The following SLC14A2 variants were observed in gnomAD, a reference collection of about 807,000 sequenced individuals.
The protein encoded by SLC14A2 is solute carrier family 14 member 2.
SLC14A2 carries 91 observed loss-of-function variants against 104.6 expected under a neutral mutation model. The ratio of observed to expected loss-of-function variants is 0.87; its 90% CI spans 0.73 to 1.04. SLC14A2 has a LOEUF of 1.04. SLC14A2 is among the 50% of genes least tolerant of loss of function. The pLI, the probability that SLC14A2 is intolerant of heterozygous loss-of-function variation, is 0.00. For missense variants in SLC14A2, 1,189 were observed against 1,156.0 expected, an observed-to-expected ratio of 1.03 and a Z score of -0.41; for synonymous variants, 476 against 466.4, an observed-to-expected ratio of 1.02 and a Z score of -0.27.
chr18:45,170,208 A>G, the SLC14A2 span, among the ~76,000 whole-genome samples: 1 of 152,108 alleles, frequency 6.6e-6, no homozygotes. Context: ...GTTAGACCAG[A>G]TTCCTAGAGC....
chr18:45,287,805 G>A (rs2084829695), intron 1 of SLC14A2, among the ~76,000 whole-genome samples: 1 of 152,156 alleles, frequency 6.6e-6, no homozygotes, highest in Non-Finnish European at 1.5e-5. Flanking sequence ...ATACCACCGA[G>A]TCCTCTCCCT....
chr18:45,477,874 T>C (rs2087414879), intron 1 of SLC14A2, among the ~76,000 whole-genome samples: 1 of 152,206 alleles, frequency 6.6e-6, no homozygotes, highest in South Asian at 2.1e-4. Flanking sequence ...CAGACTGCTG[T>C]GCTGGCAGCA....
chr18:45,214,813 C>T (rs571923247), intron 1 of SLC14A2, among the ~76,000 whole-genome samples: 1 of 149,970 alleles, frequency 6.7e-6, no homozygotes, highest in South Asian at 2.1e-4. Context: ...TGAACACTTA[C>T]GGTCTGTGGA....
intron 2 of SLC14A2, among the ~76,000 whole-genome samples, chr18:45,526,370 T>C (rs1256384231): frequency 6.6e-6 from 1 of 152,222 alleles, no homozygotes; most frequent in Non-Finnish European, 1.5e-5. Context: ...TTCTGGTGCC[T>C]GAGAGGCAGG....
At chr18:45,397,552 TGTTG>T (rs1429575985) in intron 1 of SLC14A2, among the ~76,000 whole-genome samples, 2 of 152,222 alleles carry the variant, frequency 1.3e-5, no homozygotes, top group African/African-American at 4.8e-5. Context: ...TCCTTATAGA[TGTTG>T]GATATTAGAC....
At chr18:45,569,364 C>T (rs1334623998) in intron 2 of SLC14A2, among the ~76,000 whole-genome samples, 4 of 152,202 alleles carry the variant, frequency 2.6e-5, no homozygotes, top group Non-Finnish European at 5.9e-5. Flanking sequence ...CTTGAACTAA[C>T]CCCTTTACTC....
intron 2 of SLC14A2, among the ~76,000 whole-genome samples, chr18:45,521,313 C>T (rs1240233518): frequency 2.0e-5 from 3 of 152,206 alleles, no homozygotes; most frequent in Non-Finnish European, 4.4e-5. Context: ...CCAAAGCATA[C>T]TTGCAGTTTC....
chr18:45,624,621 TTCCGTCTAG>T lies in SLC14A2; in HGVS notation c.-34-6_-32del. 2.5e-6 allele frequency: 4 copies of T among 1,577,134 alleles called. No individual in the cohort carries two copies. The highest frequency in any genetic ancestry group is 3.5e-6 in the Non-Finnish European group (4 of 1,159,334). ...TGACTCACTAGCTCTTTCCCTTTCC[TTCCGTCTAG>T]TCCATCGATAGAAGAGTGGCTGTGA... On this transcript the variant is annotated splice_acceptor_variant and splice_polypyrimidine_tract_variant and intron_variant, in intron 1 of 19. Transcript: ENST00000255226. LOFTEE classifies it low-confidence loss of function (5UTR_SPLICE).
intron 1 of SLC14A2, among the ~76,000 whole-genome samples, chr18:45,226,393 A>T (rs2084116879): frequency 6.6e-6 from 1 of 152,172 alleles, no homozygotes; most frequent in Non-Finnish European, 1.5e-5. Flanking sequence ...GGCACTATTC[A>T]CAATAGCAAA....
At chr18:45,193,721 T>G in the SLC14A2 span, among the ~76,000 whole-genome samples, 1 of 152,208 alleles carries the variant, frequency 6.6e-6, no homozygotes, top group Admixed American at 6.5e-5. Flanking sequence ...CAGACAAATT[T>G]TAGCACCAGT....
the SLC14A2 span, among the ~76,000 whole-genome samples, chr18:45,173,899 C>T: frequency 6.6e-6 from 1 of 152,056 alleles, no homozygotes; most frequent in Admixed American, 6.6e-5. Context: ...AGTAGTGCAA[C>T]CTGTCTCAGG....
At chr18:45,469,225 A>G (rs2087200232) in intron 1 of SLC14A2, among the ~76,000 whole-genome samples, 1 of 152,190 alleles carries the variant, frequency 6.6e-6, no homozygotes. Context: ...GTAAGATGGT[A>G]ATAATGGACA....
intron 2 of SLC14A2, among the ~76,000 whole-genome samples, chr18:45,520,787 C>T (rs1290996323): frequency 6.6e-6 from 1 of 152,084 alleles, no homozygotes; most frequent in Non-Finnish European, 1.5e-5. Flanking sequence ...CTCTCTAGAC[C>T]AGAGAGAACA....
At chr18:45,231,375 T>A (rs533087485) in intron 1 of SLC14A2, among the ~76,000 whole-genome samples, 1 of 152,164 alleles carries the variant, frequency 6.6e-6, no homozygotes, top group Admixed American at 6.5e-5. Context: ...GCTAATTTTT[T>A]ATTTTTTTGT....
Position 45,506,076 on chromosome 18 carries a change from T to TCCAGCTTCAAGGCTGCAG in SLC14A2, c.-35+22762_-35+22779dup, listed in dbSNP as rs576944804. Reference sequence around the variant, plus strand: ...TAGCCTCCCAGCAGGAGATTCTGCTTCCAGCTTCAAGGCTGCAGCCAGCTT... The same window carrying TCCAGCTTCAAGGCTGCAG: ...TAGCCTCCCAGCAGGAGATTCTGCTTCCAGCTTCAAGGCTGCAGCCAGCTTCAAGGCTGCAGCCAGCTT... On this transcript the variant is annotated intron_variant, in intron 2 of 20. Transcript: ENST00000586448. 5.3e-5 allele frequency among the ~76,000 whole-genome samples: 8 copies of TCCAGCTTCAAGGCTGCAG among 152,300 alleles called. No individual in the cohort carries two copies. The South Asian group carries it at 1.7e-3, about 32-fold the overall frequency.
At chr18:45,464,438 T>G (rs1427552119) in intron 1 of SLC14A2, among the ~76,000 whole-genome samples, 9 of 152,178 alleles carry the variant, frequency 5.9e-5, no homozygotes, top group Non-Finnish European at 1.3e-4. Flanking sequence ...ACCTGGTACC[T>G]AGCGTACTGT....
At chr18:45,465,769 A>C (rs2087129910) in intron 1 of SLC14A2, among the ~76,000 whole-genome samples, 1 of 152,166 alleles carries the variant, frequency 6.6e-6, no homozygotes, top group African/African-American at 2.4e-5. Flanking sequence ...CGGGAGGAGC[A>C]GCCAACTGCC....
chr18:45,308,752 T>A (rs928327179), intron 1 of SLC14A2, among the ~76,000 whole-genome samples: 4 of 152,220 alleles, frequency 2.6e-5, no homozygotes, highest in African/African-American at 9.6e-5. Flanking sequence ...ATTGCTTAAC[T>A]AAAGCTAATA....
chr18:45,519,775 C>G (rs990305272), intron 2 of SLC14A2, among the ~76,000 whole-genome samples: 1 of 152,148 alleles, frequency 6.6e-6, no homozygotes, highest in Non-Finnish European at 1.5e-5. Context: ...GCTGTTACTC[C>G]GGGATCTGCT....
Sources: gnomAD v4.1 joint callset for allele counts (sites outside exome capture counted in the v4.1 genomes callset) on GRCh38, gnomAD v4.1.1 for gene constraint, MANE v1.5 for transcripts, NCBI Gene and HGNC (gene_info 2026-07-23, HGNC 2026-07-21) for gene names.